The following GRM8 variants were observed in gnomAD, a reference collection of about 807,000 sequenced individuals.
GRM8 encodes the protein metabotropic glutamate receptor 8.
In GRM8, 47 loss-of-function variants were observed where a neutral mutation model predicts 87.2. The ratio of observed to expected loss-of-function variants is 0.54; its 90% CI spans 0.43 to 0.69. GRM8 has a LOEUF of 0.69. Among genes scored for constraint, GRM8 ranks in the 30% least tolerant of loss-of-function variants. The probability of loss-of-function intolerance (pLI) is 0.00; values close to 1 mark genes in which losing one functional copy is unlikely to be tolerated. For synonymous variants in GRM8, 396 were observed against 404.5 expected (o/e 0.98, Z 0.25); for missense variants, 1,019 against 1,139.2 (o/e 0.89, Z 1.52).
At chr7:126,826,850 G>T (rs1028258617) in intron 6 of GRM8, among the ~76,000 whole-genome samples, 1 of 152,100 alleles carries the variant, frequency 6.6e-6, no homozygotes, top group Admixed American at 6.6e-5. Flanking sequence ...ATGGTTTTAG[G>T]TCTAATGTTT....
intron 7 of GRM8, among the ~76,000 whole-genome samples, chr7:126,753,274 A>G (rs1303989722): frequency 6.6e-6 from 1 of 151,914 alleles, no homozygotes. Context: ...CTTAGTCTAT[A>G]TTTAAATTTT....
chr7:127,059,809 C>T (rs1231826866), intron 3 of GRM8, among the ~76,000 whole-genome samples: 1 of 152,116 alleles, frequency 6.6e-6, no homozygotes, highest in Non-Finnish European at 1.5e-5. Context: ...CTCTTTGTAA[C>T]CAAATAAAAA....
chr7:127,142,621 T>C (rs1008554037), intron 2 of GRM8, among the ~76,000 whole-genome samples: 6 of 152,168 alleles, frequency 3.9e-5, no homozygotes, highest in Non-Finnish European at 5.9e-5. Context: ...TTTGATGAAA[T>C]ATTTTTCCAG....
chr7:127,034,383 C>T (rs1817658709), intron 3 of GRM8, among the ~76,000 whole-genome samples: 1 of 152,132 alleles, frequency 6.6e-6, no homozygotes, highest in African/African-American at 2.4e-5. Flanking sequence ...CAAATGACTA[C>T]AGACAGTAAG....
intron 6 of GRM8, among the ~76,000 whole-genome samples, chr7:126,810,513 T>C (rs1056496959): frequency 1.3e-5 from 2 of 152,148 alleles, no homozygotes; most frequent in African/African-American, 4.8e-5. Context: ...TCTGCTGAAT[T>C]AGTTCTTAGC....
At chr7:126,796,183 G>GA (rs1160712979) in intron 6 of GRM8, among the ~76,000 whole-genome samples, 1 of 151,944 alleles carries the variant, frequency 6.6e-6, no homozygotes, top group African/African-American at 2.4e-5. Flanking sequence ...ATTAATATGA[G>GA]AAAAGTACAC....
chr7:127,229,696 C>T (rs897927568), intron 2 of GRM8: 2 of 152,256 alleles, frequency 1.3e-5, no homozygotes, highest in South Asian at 2.1e-4. Flanking sequence ...ATTTTCAATA[C>T]AGAATTTATT....
At chr7:127,124,882 T>C (rs17867770) in intron 2 of GRM8, among the ~76,000 whole-genome samples, 5,108 of 152,172 alleles carry the variant, frequency 0.034, 116 homozygotes, top group South Asian at 0.099. Context: ...ATTAACGGTA[T>C]AAATACAAAA....
chr7:126,505,112 C>T (rs1029013834), intron 9 of GRM8, among the ~76,000 whole-genome samples: 8 of 151,934 alleles, frequency 5.3e-5, no homozygotes, highest in East Asian at 1.9e-4. Context: ...TACATATTGA[C>T]GGATGCAAGC....
chr7:126,940,228 A>G (rs1158810922), intron 3 of GRM8, among the ~76,000 whole-genome samples: 2 of 152,244 alleles, frequency 1.3e-5, no homozygotes, highest in African/African-American at 4.8e-5. Flanking sequence ...GCTATTTAGC[A>G]TGGCTTATTT....
intron 3 of GRM8, among the ~76,000 whole-genome samples, chr7:127,034,737 C>G (rs1054977289): frequency 3.3e-5 from 5 of 152,150 alleles, no homozygotes; most frequent in African/African-American, 4.8e-5. Flanking sequence ...AAATTGTACT[C>G]ACTTTATCCC....
chr7:126,452,248 C>T (rs183386577), intron 9 of GRM8, among the ~76,000 whole-genome samples: 75 of 142,794 alleles, frequency 5.3e-4, no homozygotes, highest in African/African-American at 1.7e-3. Context: ...AACACTTGGA[C>T]CCAGGAAGGG....
intron 6 of GRM8, among the ~76,000 whole-genome samples, chr7:126,846,302 A>C (rs1796707504): frequency 6.6e-6 from 1 of 152,230 alleles, no homozygotes; most frequent in Non-Finnish European, 1.5e-5. Flanking sequence ...AGCATTTATC[A>C]ATAAAACCAA....
intron 9 of GRM8, among the ~76,000 whole-genome samples, chr7:126,489,622 T>G (rs1372608298): frequency 6.6e-6 from 1 of 152,080 alleles, no homozygotes; most frequent in Non-Finnish European, 1.5e-5. Context: ...TAAAAAATCT[T>G]TAGACTTTTC....
At chr7:127,147,236 G>T (rs183494405) in intron 2 of GRM8, among the ~76,000 whole-genome samples, 1 of 151,982 alleles carries the variant, frequency 6.6e-6, no homozygotes, top group South Asian at 2.1e-4. Context: ...TGTTTCCCAA[G>T]AAGTCTGAAC....
intron 3 of GRM8, among the ~76,000 whole-genome samples, chr7:127,090,156 T>C (rs764448550): frequency 6.6e-6 from 1 of 152,190 alleles, no homozygotes. Context: ...AATAGATTTC[T>C]AACTAATCTT....
intron 3 of GRM8, among the ~76,000 whole-genome samples, chr7:126,977,933 T>A (rs1811174228): frequency 6.6e-6 from 1 of 152,002 alleles, no homozygotes; most frequent in South Asian, 2.1e-4. Context: ...AGAAATGAAG[T>A]ATCCACAAAT....
chr7:126,598,730 A>T (rs1352014147), intron 8 of GRM8, among the ~76,000 whole-genome samples: 1 of 152,138 alleles, frequency 6.6e-6, no homozygotes, highest in Non-Finnish European at 1.5e-5. Context: ...TCTCCAGCTA[A>T]TCTGCACTTT....
At chr7:126,540,936 T>C (rs969998316) in intron 8 of GRM8, among the ~76,000 whole-genome samples, 1 of 152,222 alleles carries the variant, frequency 6.6e-6, no homozygotes, top group African/African-American at 2.4e-5. Context: ...TATAAAGCTG[T>C]TATTTAAAAA....
Sources: allele counts gnomAD v4.1 joint callset (sites outside exome capture counted in the v4.1 genomes callset), GRCh38; gene constraint gnomAD v4.1.1; transcripts MANE v1.5; gene names NCBI Gene and HGNC (gene_info 2026-07-23, HGNC 2026-07-21).